SLC12A9: variants seen among roughly 807,000 people sequenced by gnomAD.
SLC12A9 encodes the protein solute carrier family 12 member 9, also known as CCC-interacting protein 1.
Under a neutral mutation model 66.0 loss-of-function variants are expected in SLC12A9, and 55 were observed. That is an observed-to-expected ratio of 0.83 (90% confidence interval 0.67 to 1.04). The LOEUF is 1.04. SLC12A9 is among the 50% of genes least tolerant of loss of function. SLC12A9 has a pLI of 0.00. For missense variants in SLC12A9, 1,061 were observed against 1,241.9 expected (o/e 0.85, Z 2.19); for synonymous variants, 577 against 569.0 (o/e 1.01, Z -0.20).
intron 7 of SLC12A9, chr7:100,859,679 T>C: frequency 3.3e-6 from 2 of 611,902 alleles, no homozygotes; most frequent in Admixed American, 6.3e-5. Context: ...GCACTGCACT[T>C]TAGCCTGGGG....
intron 1 of SLC12A9, among the ~76,000 whole-genome samples, chr7:100,829,514 G>C (rs754674571): frequency 6.7e-6 from 1 of 150,362 alleles, no homozygotes; most frequent in African/African-American, 2.5e-5. Context: ...CGCCCGGGTT[G>C]GGGGGGGTGG....
chr7:100,856,618 G>A (rs376718820), intron 4 of SLC12A9: 5 of 464,128 alleles, frequency 1.1e-5, no homozygotes, highest in African/African-American at 5.8e-5. Context: ...GGGCTCATGC[G>A]ATTCTCCCAC....
At chr7:100,838,156 C>T (rs763159947) in intron 1 of SLC12A9, among the ~76,000 whole-genome samples, 15 of 151,986 alleles carry the variant, frequency 9.9e-5, no homozygotes, top group Non-Finnish European at 1.3e-4. Flanking sequence ...CCACCGCACC[C>T]GGCTATTTCA....
At chr7:100,828,980 C>A (rs1055539670) in intron 1 of SLC12A9, among the ~76,000 whole-genome samples, 40 of 151,280 alleles carry the variant, frequency 2.6e-4, no homozygotes, top group African/African-American at 9.7e-4. Flanking sequence ...CAGTAATTAG[C>A]GGGGACAGAT....
At chr7:100,847,559 G>A (rs572279956) in intron 1 of SLC12A9, among the ~76,000 whole-genome samples, 21 of 152,252 alleles carry the variant, frequency 1.4e-4, no homozygotes, top group Admixed American at 4.6e-4. Context: ...TTGTGAAAGC[G>A]GAAGAGGTGA....
chr7:100,844,013 C>T (rs1006608574), intron 1 of SLC12A9, among the ~76,000 whole-genome samples: 4 of 152,190 alleles, frequency 2.6e-5, no homozygotes, highest in African/African-American at 7.2e-5. Context: ...ACAAGCCCTG[C>T]TCCAGTCACA....
chr7:100,848,451 T>C (rs1013901741), upstream of SLC12A9, among the ~76,000 whole-genome samples: 3 of 151,652 alleles, frequency 2.0e-5, no homozygotes, highest in Non-Finnish European at 2.9e-5. Context: ...TGAGCTATGA[T>C]GGTGCCACTG....
At chr7:100,860,267 C>T (rs1283536770) in intron 9 of SLC12A9, 35 bp downstream of exon 9, 5 of 1,601,094 alleles carry the variant, frequency 3.1e-6, no homozygotes, top group Non-Finnish European at 4.3e-6. Context: ...CTTTCCCTCA[C>T]CCCACCAGCT....
At chr7:100,858,976 T>G in intron 6 of SLC12A9, 34 bp downstream of exon 6, 1 of 1,613,176 alleles carries the variant, frequency 6.2e-7, no homozygotes, top group Non-Finnish European at 8.5e-7. Context: ...CCTGGGGGTT[T>G]GGGGCTGCCA....
At chr7:100,853,681 C>G (rs1265448479) in intron 1 of SLC12A9, among the ~76,000 whole-genome samples, 2 of 151,650 alleles carry the variant, frequency 1.3e-5, no homozygotes, top group Non-Finnish European at 2.9e-5. Flanking sequence ...CGTGTCTCAG[C>G]CTCCCAAGTA....
Position 100,865,906 on chromosome 7 carries a change from C to G in SLC12A9, c.2046C>G (p.Asp682Glu). ...GCCCCCGGGCCCTCAATCCCCAGGA[C>G]TATGTGGCCACGGTGGCCGACGCCC... ...PGSPRALNPQ[D>E]YVATVADALK... is the part of the protein sequence containing the mutation. The change falls in exon 14 of 14, where the codon GAC (aspartate) becomes GAG (glutamate). Residue 682 changes from aspartate (D) to glutamate (E), a missense_variant. Coordinates refer to ENST00000354161, the MANE Select transcript of SLC12A9 (RefSeq NM_020246.4). 3 of 1,613,608 alleles carry G rather than the reference C, an allele frequency of 1.9e-6. No individual in the cohort carries two copies. In the African/African-American group the frequency reaches 4.0e-5, roughly 21 times the overall value.
chr7:100,841,933 C>T (rs1813799571), intron 1 of SLC12A9, among the ~76,000 whole-genome samples: 1 of 152,082 alleles, frequency 6.6e-6, no homozygotes, highest in South Asian at 2.1e-4. Context: ...ACTTGGTTTA[C>T]CTTCCACTTT....
At chr7:100,852,256 T>A (rs1220642044), upstream of SLC12A9, among the ~76,000 whole-genome samples, 1 of 151,944 alleles carries the variant, frequency 6.6e-6, no homozygotes, top group Non-Finnish European at 1.5e-5. Flanking sequence ...GAAGGGAGGA[T>A]CCCCGCAGCG....
At position 100,856,908 on chromosome 7, in the gene SLC12A9, C is replaced by G. The variant is rs777050535; in HGVS notation, c.489C>G (p.Gly163=). The G allele has an allele frequency of 1.2e-6, 2 of 1,609,630 alleles. No homozygotes were observed. The highest frequency in any genetic ancestry group is 2.2e-5 in the South Asian group (2 of 91,018). Residue 163 remains glycine, a synonymous_variant, in exon 5 of 14, where the codon GGC becomes GGG. Transcript: ENST00000354161. The part of the protein sequence containing the change: ...GPSGLRVLPQ[G]YGWNLLYGSL... ...GTGGGCTCCGGGTCCTGCCCCAGGG[C>G]TACGGCTGGAACCTGCTGTATGGCT...
At chr7:100,830,249 G>A (rs77331328) in intron 1 of SLC12A9, among the ~76,000 whole-genome samples, 3,223 of 151,550 alleles carry the variant, frequency 0.021, 107 homozygotes, top group African/African-American at 0.073. Context: ...CTACTCGGGA[G>A]GCTGAGACAG....
intron 1 of SLC12A9, among the ~76,000 whole-genome samples, chr7:100,840,305 A>G (rs919880582): frequency 6.6e-6 from 1 of 152,132 alleles, no homozygotes; most frequent in African/African-American, 2.4e-5. Context: ...TTTAAAGGAG[A>G]CTATAGAGTA....
rs759001347 is a variant in SLC12A9 at position 100,863,062 on chromosome 7, C to CTT, written c.1858+252_1858+253dup. ...ATGTTGTGGGTTTTTTTTCCTTCTT[C>CTT]TTTTTTTTTTTTTTTTTTGAGACGG... On this transcript the variant is annotated intron_variant, in intron 13 of 13. Transcript: ENST00000354161. Among the ~76,000 whole-genome samples the CTT allele has an allele frequency of 2.6e-4, 35 of 136,466 alleles. No individual in the cohort carries two copies. The East Asian group carries it at 2.7e-3, about 11-fold the overall frequency. The allele number at this position is 136,466 out of a possible 152,430, so 89.5% of individuals were successfully genotyped here.
At chr7:100,848,657 C>T (rs549584177), upstream of SLC12A9, among the ~76,000 whole-genome samples, 22 of 152,082 alleles carry the variant, frequency 1.4e-4, no homozygotes, top group East Asian at 1.9e-3. Flanking sequence ...GAGGCCAAGG[C>T]GGGCGGATCA....
At chr7:100,845,670 T>A (rs932687861) in intron 1 of SLC12A9, among the ~76,000 whole-genome samples, 1 of 152,172 alleles carries the variant, frequency 6.6e-6, no homozygotes, top group African/African-American at 2.4e-5. Context: ...TTAAACCATC[T>A]TTCTTCCTAC....
Sources: gnomAD v4.1 joint callset for allele counts (sites outside exome capture counted in the v4.1 genomes callset) on GRCh38, gnomAD v4.1.1 for gene constraint, MANE v1.5 for transcripts, NCBI Gene and HGNC (gene_info 2026-07-23, HGNC 2026-07-21) for gene names.